RAB4A: variants seen among roughly 807,000 people sequenced by gnomAD.
RAB4A encodes the protein ras-related protein Rab-4A.
In RAB4A, 20 loss-of-function variants were observed where a neutral mutation model predicts 34.5. That is an observed-to-expected ratio of 0.58 (90% confidence interval 0.41 to 0.84). RAB4A has a LOEUF of 0.84. Ranked by LOEUF, RAB4A falls within the 40% of genes least tolerant of loss-of-function variation. The probability of loss-of-function intolerance (pLI) is 0.00; values close to 1 mark genes in which losing one functional copy is unlikely to be tolerated. For missense variants in RAB4A, 228 were observed against 274.5 expected (o/e 0.83, Z 1.20); for synonymous variants, 102 against 100.0 (o/e 1.02, Z -0.12).
At chr1:229,290,341 A>G (rs1342596330) in intron 3 of RAB4A, among the ~76,000 whole-genome samples, 1 of 152,160 alleles carries the variant, frequency 6.6e-6, no homozygotes, top group Admixed American at 6.5e-5. Context: ...TCTGGCCCCC[A>G]ACCCACCTCC....
intron 1 of RAB4A, among the ~76,000 whole-genome samples, chr1:229,281,098 G>A (rs1299054172): frequency 2.0e-5 from 3 of 152,104 alleles, no homozygotes; most frequent in Non-Finnish European, 2.9e-5. Flanking sequence ...TTCATATACA[G>A]GGTTTTATAT....
At chr1:229,273,033 C>A (rs975442093) in intron 1 of RAB4A, among the ~76,000 whole-genome samples, 5 of 152,212 alleles carry the variant, frequency 3.3e-5, no homozygotes, top group African/African-American at 1.2e-4. Context: ...TTGGTTACAT[C>A]TTTGCACTTC....
chr1:229,286,588 A>G (rs879825806), intron 2 of RAB4A, 22 bp downstream of exon 2: 3 of 1,440,092 alleles, frequency 2.1e-6, no homozygotes, highest in South Asian at 2.6e-5. Flanking sequence ...GAAATTAGTC[A>G]TTCTTCCGTG....
At chr1:229,271,472 G>C (rs1558232967) in intron 1 of RAB4A, 102 bp downstream of exon 1, 4 of 986,390 alleles carry the variant, frequency 4.1e-6, no homozygotes, top group Admixed American at 4.9e-5. Flanking sequence ...TGGCGGTGGC[G>C]CCGGCCGGAG....
intron 3 of RAB4A, among the ~76,000 whole-genome samples, chr1:229,292,166 A>G (rs1051742640): frequency 2.0e-5 from 3 of 152,008 alleles, no homozygotes; most frequent in African/African-American, 7.3e-5. Context: ...ATGTATACAT[A>G]CATATGTAAC....
intron 3 of RAB4A, among the ~76,000 whole-genome samples, chr1:229,293,858 CAG>C (rs1248571480): frequency 6.6e-6 from 1 of 152,112 alleles, no homozygotes; most frequent in African/African-American, 2.4e-5. Flanking sequence ...ACGGGAGTGG[CAG>C]GGGCTGGGAG....
Position 229,297,484 on chromosome 1 carries a change from G to A in RAB4A, c.293G>A (p.Arg98Gln), listed in dbSNP as rs776882217. ...TTTCACAATCTTATATTACGCAGCC[G>A]AGAAACCTACAATGCGCTTACTAAT... Reference protein sequence around the residue: ...GALLVYDITSRETYNALTNWL... With the variant: ...GALLVYDITSQETYNALTNWL... Residue 98 changes from arginine (R) to glutamine (Q), a missense_variant and splice_region_variant, in exon 5 of 8, where the codon CGA (arginine) becomes CAA (glutamine). Coordinates refer to ENST00000366690, the MANE Select transcript of RAB4A (RefSeq NM_004578.4). The A allele has an allele frequency of 5.0e-6, 8 of 1,589,858 alleles. No individual in the cohort carries two copies. Among genetic ancestry groups the A allele is most frequent in the South Asian group, 1.2e-5 (1 of 85,906 alleles).
At chr1:229,297,175 C>T (rs750984787) in intron 4 of RAB4A, among the ~76,000 whole-genome samples, 2 of 152,224 alleles carry the variant, frequency 1.3e-5, no homozygotes, top group Non-Finnish European at 2.9e-5. Context: ...TAGTGCCTTG[C>T]GCATGCTAAG....
Position 229,279,263 on chromosome 1 carries a change from C to T in RAB4A, c.32-7223C>T, listed in dbSNP as rs184215363. Among the ~76,000 whole-genome samples the T allele has an allele frequency of 9.2e-5, 14 of 152,276 alleles. No individual in the cohort carries two copies. In the East Asian group the frequency reaches 1.5e-3, roughly 17 times the overall value. ...ACATTTGGAAATCTTGAAAGCAAGA[C>T]GATTGCTTGGGGAAAAAACTAGGAA... On this transcript the variant is annotated intron_variant, in intron 1 of 7. Coordinates refer to ENST00000366690, the MANE Select transcript of RAB4A (RefSeq NM_004578.4).
intron 1 of RAB4A, among the ~76,000 whole-genome samples, chr1:229,283,482 T>C (rs1656829421): frequency 6.6e-6 from 1 of 152,200 alleles, no homozygotes; most frequent in Non-Finnish European, 1.5e-5. Flanking sequence ...GTAAGAGTTT[T>C]CCTCTCTCTT....
At chr1:229,297,344 C>T (rs990667237) in intron 4 of RAB4A, 138 bp from the exon 5 acceptor site, 70 of 786,646 alleles carry the variant, frequency 8.9e-5, no homozygotes, top group Non-Finnish European at 1.3e-4. Context: ...GGTGCATTCA[C>T]GTTGTCTGAG....
Position 229,271,355 on chromosome 1 carries a change from A to T in RAB4A, c.16A>T (p.Met6Leu). 7.8e-7 allele frequency: 1 copy of T among 1,288,398 alleles called. No homozygotes were observed. Among genetic ancestry groups the T allele is most frequent in the Non-Finnish European group, 9.8e-7 (1 of 1,018,968 alleles). The allele number at this position is 1,288,398 out of a possible 1,614,324, so 79.8% of individuals were successfully genotyped here. MSQTA[M>L]SETYDFLFKF... The stretch of plus-strand genomic sequence containing the variant: ...CGCTCCCAAGATGTCGCAGACGGCC[A>T]TGTCCGAAACCTACGGTACGAGGCC... Residue 6 changes from methionine (M) to leucine (L), a missense_variant, in exon 1 of 8, where the codon ATG (methionine) becomes TTG (leucine). By Grantham distance (15) the Met-to-Leu change is conservative (BLOSUM62 2). Transcript: ENST00000366690.
At chr1:229,294,979 T>C (rs1269488629) in intron 3 of RAB4A, among the ~76,000 whole-genome samples, 1 of 93,530 alleles carries the variant, frequency 1.1e-5, no homozygotes, top group Admixed American at 9.2e-5. Context: ...AACTCCTGGC[T>C]TTTTTTTTTT....
intron 6 of RAB4A, 86 bp from the exon 7 acceptor site, chr1:229,302,776 T>C (rs1571838841): frequency 3.2e-6 from 3 of 937,224 alleles, no homozygotes; most frequent in East Asian, 5.1e-5. Flanking sequence ...CAGTGTTCTG[T>C]ACTTTGCTTT....
At chr1:229,293,322 C>T (rs926661258) in intron 3 of RAB4A, among the ~76,000 whole-genome samples, 1 of 152,188 alleles carries the variant, frequency 6.6e-6, no homozygotes, top group African/African-American at 2.4e-5. Flanking sequence ...TCCAGCTCCT[C>T]TTTCCTCCCC....
At chr1:229,290,290 G>T (rs1000583550) in intron 3 of RAB4A, among the ~76,000 whole-genome samples, 1 of 152,160 alleles carries the variant, frequency 6.6e-6, no homozygotes, top group African/African-American at 2.4e-5. Context: ...AGGGCATGGG[G>T]TCAGGCCTGA....
intron 3 of RAB4A, 87 bp from the exon 4 acceptor site, chr1:229,295,761 A>G (rs2102851907): frequency 7.7e-7 from 1 of 1,295,182 alleles, no homozygotes; most frequent in Admixed American, 1.7e-5. Context: ...TGGTTTACAA[A>G]GCAAGCATGG....
At chr1:229,277,586 A>G (rs767868653) in intron 1 of RAB4A, among the ~76,000 whole-genome samples, 1 of 151,110 alleles carries the variant, frequency 6.6e-6, no homozygotes, top group African/African-American at 2.5e-5. Flanking sequence ...GACCCTGGGG[A>G]TAGTCCTTTT....
chr1:229,305,017 C>T lies in RAB4A; in HGVS notation c.*1224C>T. On this transcript the variant is annotated 3_prime_UTR_variant, in exon 8 of 8. Transcript: ENST00000366690. ...AAGCTTTCTTCACCTTATATATGTT[C>T]TTCCACTGTGACTTTTTAGTTGAAG... is the stretch of plus-strand genomic sequence containing the variant. 1 of 1,193,240 alleles carries T rather than the reference C, an allele frequency of 8.4e-7. No individual in the cohort carries two copies. Among genetic ancestry groups the T allele is most frequent in the Non-Finnish European group, 1.1e-6 (1 of 902,936 alleles). The allele number at this position is 1,193,240 out of a possible 1,614,324, so 73.9% of individuals were successfully genotyped here.
Sources: gnomAD v4.1 joint callset for allele counts (sites outside exome capture counted in the v4.1 genomes callset) on GRCh38, gnomAD v4.1.1 for gene constraint, MANE v1.5 for transcripts, NCBI Gene and HGNC (gene_info 2026-07-23, HGNC 2026-07-21) for gene names.